PRKCZ: variants seen among roughly 807,000 people sequenced by gnomAD.
PRKCZ encodes protein kinase C zeta type.
A neutral mutation model predicts 79.5 loss-of-function variants in PRKCZ; 33 were observed. That is an observed-to-expected ratio of 0.41 (90% CI 0.31 to 0.55). PRKCZ has a LOEUF of 0.55. PRKCZ is among the 20% of genes least tolerant of loss of function. PRKCZ has a pLI of 0.19. For synonymous variants in PRKCZ, 342 were observed against 320.9 expected, an observed-to-expected ratio of 1.07 and a Z score of -0.70; for missense variants, 578 against 813.5, an observed-to-expected ratio of 0.71 and a Z score of 3.52.
intron 4 of PRKCZ, among the ~76,000 whole-genome samples, chr1:2,079,379 C>T (rs541821245): frequency 2.0e-5 from 3 of 152,368 alleles, no homozygotes; most frequent in South Asian, 4.1e-4. Context: ...GAGGCACAGA[C>T]AGGTCAAGAA....
chr1:2,071,780 G>C (rs965387786), intron 4 of PRKCZ, among the ~76,000 whole-genome samples: 38 of 152,328 alleles, frequency 2.5e-4, no homozygotes, highest in African/African-American at 9.1e-4. Flanking sequence ...TGGGAGCTCA[G>C]CGTGGCCATG....
At position 2,177,133 on chromosome 1, in the gene PRKCZ, T is replaced by A. The variant is rs1336024041; in HGVS notation, c.1575+1820T>A. On this transcript the variant is annotated intron_variant, in intron 16 of 17. Transcript: ENST00000378567. The surrounding 1 kb of genome is among the most constrained non-coding windows in gnomAD (Gnocchi z 6.4). ...TCAGGCACCCCTGGCCTAGTGGGGT[T>A]ACTGGTGGCGTTCCCCTATCTCAGG... is the stretch of plus-strand genomic sequence containing the variant. Among the ~76,000 whole-genome samples the A allele has an allele frequency of 6.6e-6, 1 of 152,124 alleles. No individual in the cohort carries two copies. The highest frequency in any genetic ancestry group is 1.9e-4 in the East Asian group (1 of 5,200).
chr1:2,155,391 A>G (rs971153969), intron 9 of PRKCZ, among the ~76,000 whole-genome samples: 1 of 149,544 alleles, frequency 6.7e-6, no homozygotes, highest in Non-Finnish European at 1.5e-5. Flanking sequence ...GATGATGGAG[A>G]TGGTGATGAC....
chr1:2,069,512 C>A (rs571900905), intron 4 of PRKCZ, among the ~76,000 whole-genome samples: 3 of 152,264 alleles, frequency 2.0e-5, no homozygotes, highest in African/African-American at 7.2e-5. Flanking sequence ...TAAATAAAAT[C>A]GTGTGTAAAA....
intron 4 of PRKCZ, among the ~76,000 whole-genome samples, chr1:2,111,402 G>T (rs1479756193): frequency 6.6e-6 from 1 of 151,954 alleles, no homozygotes; most frequent in Non-Finnish European, 1.5e-5. Context: ...GAAGTGATGG[G>T]CAGGATGAGG....
intron 7 of PRKCZ, among the ~76,000 whole-genome samples, chr1:2,147,460 C>T (rs1246520169): frequency 2.0e-5 from 3 of 150,086 alleles, no homozygotes; most frequent in Admixed American, 6.6e-5. Context: ...TCTATCTTGT[C>T]CACTGACGTC....
intron 9 of PRKCZ, among the ~76,000 whole-genome samples, chr1:2,155,133 CGATGATGGTGATGATGGT>C: frequency 6.6e-6 from 1 of 151,636 alleles, no homozygotes; most frequent in Non-Finnish European, 1.5e-5. Context: ...ATGATGGTGA[CGATGATGGTGATGATGGT>C]GATGATGGTG....
chr1:2,116,604 G>C (rs776947308), intron 4 of PRKCZ, among the ~76,000 whole-genome samples: 1 of 152,188 alleles, frequency 6.6e-6, no homozygotes, highest in Non-Finnish European at 1.5e-5. Context: ...CGTCCTGGCT[G>C]TGTGTGGGGC....
chr1:2,167,564 G>A (rs760083871), intron 10 of PRKCZ, among the ~76,000 whole-genome samples: 5 of 152,168 alleles, frequency 3.3e-5, no homozygotes, highest in Admixed American at 1.3e-4. Context: ...GGCAAAAAAT[G>A]TGCGGTGAAG....
chr1:2,062,540 G>A (rs1335221462), intron 4 of PRKCZ, among the ~76,000 whole-genome samples: 2 of 148,094 alleles, frequency 1.4e-5, no homozygotes, highest in Admixed American at 6.7e-5. Context: ...CACCCAGGCT[G>A]GAGTGCATGG....
intron 4 of PRKCZ, among the ~76,000 whole-genome samples, chr1:2,092,606 A>G (rs1036233858): frequency 3.3e-5 from 5 of 152,138 alleles, no homozygotes; most frequent in African/African-American, 4.8e-5. Flanking sequence ...TTAAGGTATA[A>G]ATTCATTGAG....
At chr1:2,143,910 C>T in intron 5 of PRKCZ, 1 of 310,116 alleles carries the variant, frequency 3.2e-6, no homozygotes, top group Non-Finnish European at 6.2e-6. Flanking sequence ...AGCCACGGGG[C>T]CTTGCCTGAA....
intron 4 of PRKCZ, chr1:2,074,634 G>A: frequency 2.5e-6 from 1 of 407,580 alleles, no homozygotes. Context: ...CCCCCGTTTT[G>A]CATTGACAGT....
intron 4 of PRKCZ, among the ~76,000 whole-genome samples, chr1:2,095,474 C>T (rs1483939821): frequency 6.6e-6 from 1 of 152,084 alleles, no homozygotes; most frequent in Non-Finnish European, 1.5e-5. Context: ...GAGTGAGGGA[C>T]CCCCTGAAGA....
At chr1:2,057,534 C>G (rs574595639) in intron 3 of PRKCZ, among the ~76,000 whole-genome samples, 1 of 152,216 alleles carries the variant, frequency 6.6e-6, no homozygotes, top group Non-Finnish European at 1.5e-5. Flanking sequence ...GGTTACAACA[C>G]TTAATTTTCT....
intron 8 of PRKCZ, among the ~76,000 whole-genome samples, chr1:2,150,161 C>CA (rs750010192): frequency 0.058 from 2,682 of 46,162 alleles, 204 homozygotes; most frequent in African/African-American, 0.16. Flanking sequence ...GACTCCGTCT[C>CA]AAAAAAAAAA....
intron 5 of PRKCZ, 60 bp downstream of exon 5, chr1:2,135,407 G>T (rs1571717553): frequency 6.9e-7 from 1 of 1,454,912 alleles, no homozygotes; most frequent in South Asian, 1.2e-5. Flanking sequence ...TAAAAGCAAA[G>T]AGAGAGGAGG....
chr1:2,155,498 A>G (rs530262373), intron 9 of PRKCZ, among the ~76,000 whole-genome samples: 1 of 147,800 alleles, frequency 6.8e-6, no homozygotes, highest in Admixed American at 6.7e-5. Context: ...TGATGGTAAC[A>G]GCGACAGTGA....
At chr1:2,079,206 TG>T (rs1276396997) in intron 4 of PRKCZ, among the ~76,000 whole-genome samples, 1 of 152,242 alleles carries the variant, frequency 6.6e-6, no homozygotes, top group Non-Finnish European at 1.5e-5. Flanking sequence ...ACTTTTTCTC[TG>T]GGGTTATTCG....
Sources: gnomAD v4.1 joint callset for allele counts (sites outside exome capture counted in the v4.1 genomes callset) on GRCh38, gnomAD v4.1.1 for gene constraint, Gnocchi (gnomAD v3.1) non-coding constraint, MANE v1.5 for transcripts, NCBI Gene and HGNC (gene_info 2026-07-23, HGNC 2026-07-21) for gene names.